GSK3B: variants seen among roughly 807,000 people sequenced by gnomAD.
GSK3B encodes the protein glycogen synthase kinase-3 beta.
In GSK3B, 15 loss-of-function variants were observed where a neutral mutation model predicts 56.4. The ratio of observed to expected loss-of-function variants is 0.27; its 90% CI spans 0.18 to 0.41. GSK3B has a LOEUF of 0.41. Ranked by LOEUF, GSK3B falls within the 10% of genes least tolerant of loss-of-function variation. The pLI is 1.00. For synonymous variants in GSK3B, 181 were observed against 188.9 expected, an observed-to-expected ratio of 0.96 and a Z score of 0.34; for missense variants, 300 against 513.4, an observed-to-expected ratio of 0.58 and a Z score of 4.02.
chr3:119,920,324 C>G (rs1289686284), intron 4 of GSK3B, among the ~76,000 whole-genome samples: 1 of 152,210 alleles, frequency 6.6e-6, no homozygotes, highest in Non-Finnish European at 1.5e-5. Context: ...ACTGCAACCT[C>G]TGCTTCTCAG....
intron 7 of GSK3B, among the ~76,000 whole-genome samples, chr3:119,899,293 T>C (rs1180631788): frequency 6.6e-6 from 1 of 152,250 alleles, no homozygotes; most frequent in Admixed American, 6.5e-5. Flanking sequence ...ATTTTCCACT[T>C]AATGTTTCTG....
At chr3:119,882,723 T>C (rs889768174) in intron 7 of GSK3B, among the ~76,000 whole-genome samples, 1 of 152,208 alleles carries the variant, frequency 6.6e-6, no homozygotes, top group Non-Finnish European at 1.5e-5. Flanking sequence ...TGAATAGTGA[T>C]GATATTTAAA....
At chr3:120,072,134 T>C (rs1304519113) in intron 1 of GSK3B, among the ~76,000 whole-genome samples, 1 of 152,212 alleles carries the variant, frequency 6.6e-6, no homozygotes, top group Non-Finnish European at 1.5e-5. Context: ...TATCTAAATT[T>C]TGTATCATCA....
At chr3:120,060,932 T>C (rs1180791546) in intron 1 of GSK3B, among the ~76,000 whole-genome samples, 3 of 152,226 alleles carry the variant, frequency 2.0e-5, no homozygotes, top group Non-Finnish European at 4.4e-5. Context: ...ATGGTAATGC[T>C]TCATTGCCAG....
chr3:119,960,951 T>C (rs1181926623), intron 2 of GSK3B, among the ~76,000 whole-genome samples: 1 of 152,174 alleles, frequency 6.6e-6, no homozygotes, highest in Non-Finnish European at 1.5e-5. Flanking sequence ...AACATGTATT[T>C]ACACTGATGA....
chr3:120,025,537 A>G (rs562440423), intron 1 of GSK3B, among the ~76,000 whole-genome samples: 21 of 152,366 alleles, frequency 1.4e-4, no homozygotes, highest in African/African-American at 5.0e-4. Context: ...GATCCAATAT[A>G]AGGATAATTA....
At chr3:120,090,767 AG>A (rs1462984823) in intron 1 of GSK3B, among the ~76,000 whole-genome samples, 1 of 152,212 alleles carries the variant, frequency 6.6e-6, no homozygotes, top group Non-Finnish European at 1.5e-5. Flanking sequence ...CGTCTTATTC[AG>A]CAACCAACAA....
At chr3:120,068,621 A>G (rs1309379802) in intron 1 of GSK3B, among the ~76,000 whole-genome samples, 3 of 150,848 alleles carry the variant, frequency 2.0e-5, no homozygotes, top group African/African-American at 4.9e-5. Context: ...AATCACTTGA[A>G]TCCGGGAGGC....
intron 9 of GSK3B, among the ~76,000 whole-genome samples, chr3:119,851,762 G>T (rs1298715215): frequency 2.0e-5 from 3 of 152,070 alleles, no homozygotes; most frequent in Non-Finnish European, 4.4e-5. Context: ...GTGTGTACCA[G>T]GCCTCTTATT....
chr3:120,055,591 G>C (rs899852635), intron 1 of GSK3B, among the ~76,000 whole-genome samples: 3 of 152,184 alleles, frequency 2.0e-5, no homozygotes, highest in Non-Finnish European at 4.4e-5. Context: ...GAGTTAGAGT[G>C]AGGAGGGGAG....
intron 2 of GSK3B, among the ~76,000 whole-genome samples, chr3:119,972,514 C>A (rs2057377001): frequency 6.6e-6 from 1 of 152,218 alleles, no homozygotes; most frequent in Non-Finnish European, 1.5e-5. Context: ...CGGCTCACTG[C>A]AAGCTTCGCC....
At chr3:119,965,940 T>C (rs1232812178) in intron 2 of GSK3B, among the ~76,000 whole-genome samples, 3 of 152,220 alleles carry the variant, frequency 2.0e-5, no homozygotes, top group Non-Finnish European at 4.4e-5. Context: ...TGTTTATAAA[T>C]CTTGTAGGTT....
intron 1 of GSK3B, among the ~76,000 whole-genome samples, chr3:120,064,575 T>C (rs544640777): frequency 1.3e-5 from 2 of 152,296 alleles, no homozygotes; most frequent in South Asian, 2.1e-4. Flanking sequence ...ACTGTCAAGA[T>C]GTCAATATCC....
chr3:119,828,447 G>A (rs760900758), intron 10 of GSK3B, among the ~76,000 whole-genome samples: 4 of 152,150 alleles, frequency 2.6e-5, no homozygotes, highest in Admixed American at 2.6e-4. Flanking sequence ...TGACTGGGAT[G>A]GGCAACTTTG....
At chr3:119,896,427 A>T (rs1346564486) in intron 7 of GSK3B, among the ~76,000 whole-genome samples, 1 of 152,090 alleles carries the variant, frequency 6.6e-6, no homozygotes, top group African/African-American at 2.4e-5. Context: ...TTAAAAAAAA[A>T]TACATGTAAA....
intron 1 of GSK3B, among the ~76,000 whole-genome samples, chr3:120,018,101 C>T (rs1011590793): frequency 2.0e-5 from 3 of 152,150 alleles, no homozygotes; most frequent in African/African-American, 7.2e-5. Context: ...AAGCACTTTA[C>T]AGTTTAAAAG....
intron 1 of GSK3B, among the ~76,000 whole-genome samples, chr3:120,003,119 A>T (rs2057694819): frequency 6.6e-6 from 1 of 152,212 alleles, no homozygotes; most frequent in Non-Finnish European, 1.5e-5. Flanking sequence ...AGATATAAAA[A>T]TTTAAATAAT....
In GSK3B at chr3:120,051,604, G is replaced by A. The variant is rs536218298; in HGVS notation, c.88+41743C>T. 3.3e-5 allele frequency among the ~76,000 whole-genome samples: 5 copies of A among 151,660 alleles called. No individual in the cohort carries two copies. The South Asian group carries it at 8.3e-4, about 25-fold the overall frequency. On this transcript the variant is annotated intron_variant, in intron 1 of 10. Transcript: ENST00000264235. The stretch of plus-strand genomic sequence containing the variant: ...CAACATGGCAAAACCCCATCTCTAC[G>A]AAAAATACAAAAATTAGCCAGGTGT...
At chr3:120,076,813 CAAAAA>C (rs202058386) in intron 1 of GSK3B, among the ~76,000 whole-genome samples, 101 of 45,578 alleles carry the variant, frequency 2.2e-3, no homozygotes, top group African/African-American at 5.7e-3. Context: ...AACTCCGTCT[CAAAAA>C]AAAAAAAAAA....
Sources: gnomAD v4.1 joint callset for allele counts (sites outside exome capture counted in the v4.1 genomes callset) on GRCh38, gnomAD v4.1.1 for gene constraint, MANE v1.5 for transcripts, NCBI Gene and HGNC (gene_info 2026-07-23, HGNC 2026-07-21) for gene names.